The following TMEM164 variants were observed in gnomAD, a reference collection of about 807,000 sequenced individuals.
TMEM164 encodes the protein RP13-360B22.2.
A neutral mutation model predicts 18.8 loss-of-function variants in TMEM164; 4 were observed. The observed-to-expected ratio is 0.21, with a 90% CI of 0.10 to 0.49. The LOEUF (loss-of-function observed/expected upper bound fraction) is 0.49. TMEM164 is among the 20% of genes least tolerant of loss of function. The probability of loss-of-function intolerance (pLI) is 0.98; values close to 1 mark genes in which losing one functional copy is unlikely to be tolerated. For synonymous variants in TMEM164, 86 were observed against 101.7 expected (o/e 0.85, Z 0.93); for missense variants, 108 against 239.9 (o/e 0.45, Z 3.63).
intron 2 of TMEM164, among the ~76,000 whole-genome samples, chrX:110,031,997 A>C (rs764565268): frequency 1.8e-5 from 2 of 111,045 alleles, no homozygotes; most frequent in Non-Finnish European, 3.8e-5. Context: ...CTTTTCCTTT[A>C]AATTTGCATT....
intron 3 of TMEM164, among the ~76,000 whole-genome samples, chrX:110,092,092 T>G (rs1248209414): frequency 8.9e-6 from 1 of 112,270 alleles, no homozygotes; most frequent in Non-Finnish European, 1.9e-5. Context: ...ACCAGTACCA[T>G]GCTGTTTTGG....
At chrX:110,125,198 A>G (rs1038295246) in intron 4 of TMEM164, among the ~76,000 whole-genome samples, 17 of 112,284 alleles carry the variant, frequency 1.5e-4, no homozygotes, top group Admixed American at 3.8e-4. Context: ...GTAAATGCTC[A>G]ATAAAGGTTA....
chrX:110,035,133 A>G (rs1323918949), intron 2 of TMEM164, among the ~76,000 whole-genome samples: 14 of 106,369 alleles, frequency 1.3e-4, no homozygotes, highest in African/African-American at 4.8e-4. Flanking sequence ...TGACGAGTTA[A>G]TGGGTGCAGC....
chrX:110,057,620 C>G (rs1935906906), intron 2 of TMEM164, among the ~76,000 whole-genome samples: 1 of 104,716 alleles, frequency 9.5e-6, no homozygotes, highest in African/African-American at 3.5e-5. Flanking sequence ...AGCAGTTTTC[C>G]AGGGTTCTGT....
chrX:110,021,910 G>A (rs190337278), intron 2 of TMEM164, among the ~76,000 whole-genome samples: 1 of 112,036 alleles, frequency 8.9e-6, no homozygotes, highest in East Asian at 2.8e-4. Flanking sequence ...AGGCCTTTAA[G>A]TCATCTGGAC....
intron 3 of TMEM164, among the ~76,000 whole-genome samples, chrX:110,069,883 T>A (rs1202844933): frequency 8.9e-6 from 1 of 112,320 alleles, no homozygotes; most frequent in African/African-American, 3.2e-5. Flanking sequence ...AAATGATCCC[T>A]ATTTTACCCT....
chrX:110,010,952 C>T (rs1264719372), intron 2 of TMEM164, among the ~76,000 whole-genome samples: 1 of 111,712 alleles, frequency 9.0e-6, no homozygotes, highest in Non-Finnish European at 1.9e-5. Flanking sequence ...TTTCCAGTCT[C>T]TAAGATCTGC....
At chrX:110,023,706 G>A (rs761393313) in intron 2 of TMEM164, among the ~76,000 whole-genome samples, 12 of 111,826 alleles carry the variant, frequency 1.1e-4, no homozygotes, top group Non-Finnish European at 1.3e-4. Context: ...GGGAGGTTAC[G>A]TAACATACCC....
chrX:110,052,082 A>AT (rs894251768), intron 2 of TMEM164, among the ~76,000 whole-genome samples: 9 of 109,702 alleles, frequency 8.2e-5, no homozygotes, highest in Non-Finnish European at 1.1e-4. Context: ...CAATGTTTGT[A>AT]TTTTTTTTTC....
chrX:110,130,408 A>G (rs1455994078), intron 4 of TMEM164, among the ~76,000 whole-genome samples: 1 of 111,817 alleles, frequency 8.9e-6, no homozygotes, highest in East Asian at 2.8e-4. Context: ...CTTAGGTTCT[A>G]CCTATAGAGT....
At chrX:110,096,462 C>T (rs960410398) in intron 3 of TMEM164, among the ~76,000 whole-genome samples, 1 of 112,928 alleles carries the variant, frequency 8.9e-6, no homozygotes, top group Non-Finnish European at 1.9e-5. Flanking sequence ...GAGCAAGGCT[C>T]TGTGGGCATG....
chrX:110,100,696 G>A (rs749548106), intron 3 of TMEM164, among the ~76,000 whole-genome samples: 5 of 110,498 alleles, frequency 4.5e-5, no homozygotes, highest in Non-Finnish European at 7.6e-5. Context: ...CTCAGCCTCC[G>A]GAGTAGCTGG....
At chrX:110,122,550 AC>A (rs1446387224) in intron 4 of TMEM164, among the ~76,000 whole-genome samples, 1 of 109,408 alleles carries the variant, frequency 9.1e-6, no homozygotes, top group Non-Finnish European at 1.9e-5. Context: ...GTGCACATGT[AC>A]CCTAAAACTT....
In TMEM164 at chrX:110,175,698, G is replaced by T; in HGVS notation, c.*2247G>T. The T allele has an allele frequency of 1.4e-6, 1 of 739,748 alleles. No individual in the cohort carries two copies. Among genetic ancestry groups the T allele is most frequent in the Non-Finnish European group, 1.6e-6 (1 of 625,846 alleles). 61.0% of individuals were successfully genotyped at this position (739,748 alleles called of 1,213,427 possible). ...AGTAAAGGGGGCATGCAGGGCTTTT[G>T]GGGGCCAGATTGGCTCAGAAACATG... On this transcript the variant is annotated 3_prime_UTR_variant, in exon 7 of 7. Coordinates refer to ENST00000372068, the MANE Select transcript of TMEM164 (RefSeq NM_032227.4).
In TMEM164 at chrX:110,003,752, T is replaced by C; in HGVS notation, c.-23T>C. On this transcript the variant is annotated 5_prime_UTR_variant, in exon 2 of 7. Coordinates refer to ENST00000372068, the MANE Select transcript of TMEM164 (RefSeq NM_032227.4). ...CATCTCACTCTTGCTTCCTGTACTG[T>C]GGTCAAGGGGAACCACTGCATCATG... 1 of 1,173,972 alleles carries C rather than the reference T, an allele frequency of 8.5e-7. No individual in the cohort carries two copies. Among genetic ancestry groups the C allele is most frequent in the Non-Finnish European group, 1.1e-6 (1 of 877,608 alleles).
intron 2 of TMEM164, among the ~76,000 whole-genome samples, chrX:110,039,912 G>C (rs752198700): frequency 9.0e-6 from 1 of 111,633 alleles, no homozygotes; most frequent in African/African-American, 3.3e-5. Flanking sequence ...GTGGATAAGG[G>C]GTTGGGGGTG....
chrX:110,119,374 A>G (rs1205987882), intron 4 of TMEM164, among the ~76,000 whole-genome samples: 1 of 111,442 alleles, frequency 9.0e-6, no homozygotes, highest in East Asian at 2.8e-4. Context: ...CAGGAGGATC[A>G]CTTAAGCACA....
At chrX:110,146,285 A>G (rs1324153215) in intron 5 of TMEM164, among the ~76,000 whole-genome samples, 1 of 112,303 alleles carries the variant, frequency 8.9e-6, no homozygotes, top group Non-Finnish European at 1.9e-5. Flanking sequence ...TGTTATTTAA[A>G]CATATTTGTA....
chrX:110,142,739 A>C (rs962510486), intron 4 of TMEM164, among the ~76,000 whole-genome samples: 2 of 113,479 alleles, frequency 1.8e-5, no homozygotes, highest in East Asian at 5.5e-4. Context: ...GGAGAGGTTA[A>C]GGGCCTTGGC....
Sources: gnomAD v4.1 joint callset for allele counts (sites outside exome capture counted in the v4.1 genomes callset) on GRCh38, gnomAD v4.1.1 for gene constraint, MANE v1.5 for transcripts, NCBI Gene and HGNC (gene_info 2026-07-23, HGNC 2026-07-21) for gene names.